CEP112: variants seen among roughly 807,000 people sequenced by gnomAD.
CEP112 encodes the protein centrosomal protein of 112 kDa.
A neutral mutation model predicts 153.0 loss-of-function variants in CEP112; 127 were observed. The ratio of observed to expected loss-of-function variants is 0.83; its 90% confidence interval spans 0.72 to 0.96. The LOEUF (loss-of-function observed/expected upper bound fraction) is 0.96. Among genes scored for constraint, CEP112 ranks in the 40% least tolerant of loss-of-function variants. The probability of loss-of-function intolerance (pLI) is 0.00; values close to 1 mark genes in which losing one functional copy is unlikely to be tolerated. For missense variants in CEP112, 1,089 were observed against 1,101.2 expected, an observed-to-expected ratio of 0.99 and a Z score of 0.16; for synonymous variants, 358 against 374.4, an observed-to-expected ratio of 0.96 and a Z score of 0.51.
At chr17:66,139,232 A>G (rs2070577364) in intron 4 of CEP112, among the ~76,000 whole-genome samples, 1 of 152,224 alleles carries the variant, frequency 6.6e-6, no homozygotes, top group Non-Finnish European at 1.5e-5. Context: ...TTGGCTACAC[A>G]GAATAAGAAA....
intron 17 of CEP112, among the ~76,000 whole-genome samples, chr17:65,972,016 G>GA (rs1381143123): frequency 3.3e-5 from 5 of 152,088 alleles, no homozygotes; most frequent in Non-Finnish European, 7.4e-5. Context: ...AAAGAGCTAG[G>GA]ATAACTAGGA....
chr17:65,818,184 G>T (rs1366786551), intron 21 of CEP112, among the ~76,000 whole-genome samples: 1 of 151,766 alleles, frequency 6.6e-6, no homozygotes, highest in Non-Finnish European at 1.5e-5. Flanking sequence ...TTACAGTGAA[G>T]GAAGTAATTA....
chr17:66,003,562 A>AT (rs2064147065), intron 17 of CEP112, among the ~76,000 whole-genome samples: 1 of 152,176 alleles, frequency 6.6e-6, no homozygotes, highest in African/African-American at 2.4e-5. Flanking sequence ...TAAACCTTTT[A>AT]TTTCCTTTAG....
At chr17:65,777,102 G>A (rs2053723065) in intron 21 of CEP112, among the ~76,000 whole-genome samples, 1 of 152,138 alleles carries the variant, frequency 6.6e-6, no homozygotes, top group Non-Finnish European at 1.5e-5. Context: ...GCATTTAGGT[G>A]GCATGTAAAT....
At chr17:66,126,710 T>A (rs1468181959) in intron 6 of CEP112, among the ~76,000 whole-genome samples, 2 of 152,176 alleles carry the variant, frequency 1.3e-5, no homozygotes, top group African/African-American at 4.8e-5. Context: ...AAATAAAGAA[T>A]ACATTTGGGA....
intron 23 of CEP112, among the ~76,000 whole-genome samples, chr17:65,726,896 T>C (rs1485514953): frequency 1.3e-5 from 2 of 152,208 alleles, no homozygotes; most frequent in Non-Finnish European, 2.9e-5. Context: ...AATGGCCTCA[T>C]AATATTCCAT....
chr17:65,687,779 G>T (rs2144351599), intron 24 of CEP112, among the ~76,000 whole-genome samples: 1 of 152,260 alleles, frequency 6.6e-6, no homozygotes, highest in Non-Finnish European at 1.5e-5. Context: ...AAGAAGAAAA[G>T]AAAACCTTCC....
chr17:66,056,649 A>T (rs563237709), intron 11 of CEP112, among the ~76,000 whole-genome samples: 1 of 152,342 alleles, frequency 6.6e-6, no homozygotes, highest in African/African-American at 2.4e-5. Flanking sequence ...GCCACATATT[A>T]TATTATTGTA....
At chr17:65,832,997 G>A (rs150226090) in intron 21 of CEP112, among the ~76,000 whole-genome samples, 136 of 152,176 alleles carry the variant, frequency 8.9e-4, no homozygotes, top group African/African-American at 2.6e-3. Flanking sequence ...ACATCAAAAA[G>A]CTAATCCACC....
chr17:65,700,606 T>C (rs2048584615), intron 23 of CEP112, among the ~76,000 whole-genome samples: 1 of 152,186 alleles, frequency 6.6e-6, no homozygotes, highest in East Asian at 1.9e-4. Flanking sequence ...AGAGGCTACA[T>C]GGGTTGCGGC....
intron 6 of CEP112, among the ~76,000 whole-genome samples, chr17:66,106,408 T>C (rs1312245302): frequency 6.6e-6 from 1 of 151,232 alleles, no homozygotes; most frequent in African/African-American, 2.4e-5. Context: ...CCAGATGAAG[T>C]AGGAAAAAAA....
chr17:66,174,693 C>T (rs192012709), intron 4 of CEP112, among the ~76,000 whole-genome samples: 5 of 152,164 alleles, frequency 3.3e-5, no homozygotes, highest in African/African-American at 7.2e-5. Context: ...ATGGGGTTTA[C>T]GCTTACATTC....
intron 21 of CEP112, among the ~76,000 whole-genome samples, chr17:65,791,802 ATATT>A (rs754208276): frequency 8.5e-5 from 13 of 152,338 alleles, no homozygotes; most frequent in Non-Finnish European, 1.8e-4. Flanking sequence ...CGCTACAAGA[ATATT>A]TAATTATGTG....
At chr17:66,164,282 G>T (rs1371688744) in intron 4 of CEP112, among the ~76,000 whole-genome samples, 1 of 152,196 alleles carries the variant, frequency 6.6e-6, no homozygotes, top group Non-Finnish European at 1.5e-5. Context: ...ATTTGGCCAG[G>T]CACAGTGGCT....
At chr17:65,772,023 GA>G (rs199776065) in intron 21 of CEP112, among the ~76,000 whole-genome samples, 1 of 150,032 alleles carries the variant, frequency 6.7e-6, no homozygotes, top group Non-Finnish European at 1.5e-5. Context: ...CCCTGTCCCT[GA>G]AAAAAAAATT....
intron 17 of CEP112, among the ~76,000 whole-genome samples, chr17:65,999,526 T>C (rs1031576072): frequency 6.6e-6 from 1 of 151,966 alleles, no homozygotes; most frequent in Non-Finnish European, 1.5e-5. Context: ...ATTTTTCCTA[T>C]ATTTACTCAT....
At chr17:65,706,990 T>C (rs1480620491) in intron 23 of CEP112, among the ~76,000 whole-genome samples, 1 of 152,210 alleles carries the variant, frequency 6.6e-6, no homozygotes, top group Non-Finnish European at 1.5e-5. Flanking sequence ...ATTCCACATG[T>C]TCCCTCCCAA....
intron 9 of CEP112, among the ~76,000 whole-genome samples, chr17:66,067,886 C>T (rs1249792687): frequency 6.6e-6 from 1 of 152,048 alleles, no homozygotes; most frequent in Non-Finnish European, 1.5e-5. Flanking sequence ...TATTCTTCAG[C>T]TGGGCATGTC....
intron 2 of CEP112, among the ~76,000 whole-genome samples, chr17:66,181,768 G>GA (rs1417836948): frequency 2.0e-5 from 3 of 152,038 alleles, no homozygotes; most frequent in South Asian, 2.1e-4. Flanking sequence ...AAGACAAAAA[G>GA]AAAAAATGTA....
Sources: allele counts gnomAD v4.1 joint callset (sites outside exome capture counted in the v4.1 genomes callset), GRCh38; gene constraint gnomAD v4.1.1; transcripts MANE v1.5; gene names NCBI Gene and HGNC (gene_info 2026-07-23, HGNC 2026-07-21).